Variants in PTBP3 observed in about 807,000 individuals in gnomAD.
PTBP3 encodes the protein polypyrimidine tract binding protein 3.
PTBP3 carries 20 observed loss-of-function variants against 58.7 expected under a neutral mutation model. The observed-to-expected ratio is 0.34, with a 90% CI of 0.24 to 0.50. The LOEUF is 0.50. Among genes scored for constraint, PTBP3 ranks in the 20% least tolerant of loss-of-function variants. The pLI is 0.98. For missense variants in PTBP3, 509 were observed against 637.2 expected, an observed-to-expected ratio of 0.80 and a Z score of 2.17; for synonymous variants, 185 against 219.8, an observed-to-expected ratio of 0.84 and a Z score of 1.40.
rs1834831238 is a variant in PTBP3, at chr9:112,222,182, G to A, written c.*1669C>T. On this transcript the variant is annotated 3_prime_UTR_variant, in exon 14 of 14. Transcript: ENST00000374257. ...GTGTAAAAGGGGTAGACAAAAAAAT[G>A]ACCCTTTTGACAAATTCTGCTTTAA... 2 of 984,942 alleles carry A rather than the reference G, an allele frequency of 2.0e-6. No individual in the cohort carries two copies. Among genetic ancestry groups the A allele is most frequent in the Non-Finnish European group, 2.4e-6 (2 of 829,190 alleles). The allele number at this position is 984,942 out of a possible 1,614,324, so 61.0% of individuals were successfully genotyped here. A position where few individuals can be genotyped will look rare whatever the true frequency, so the allele number is the denominator to read the frequency against.
the PTBP3 span, among the ~76,000 whole-genome samples, chr9:112,353,728 G>C: frequency 6.6e-6 from 1 of 151,906 alleles, no homozygotes; most frequent in Non-Finnish European, 1.5e-5. Context: ...GGCTGAGGCG[G>C]GCTGATCACC....
the PTBP3 span, among the ~76,000 whole-genome samples, chr9:112,370,323 C>G: frequency 1.3e-5 from 2 of 152,140 alleles, no homozygotes; most frequent in Non-Finnish European, 2.9e-5. Flanking sequence ...AGGTGGATTA[C>G]TTGAGCTCAG....
chr9:112,287,298 C>T (rs2132262441), intron 2 of PTBP3, among the ~76,000 whole-genome samples: 1 of 149,942 alleles, frequency 6.7e-6, no homozygotes, highest in South Asian at 2.1e-4. Flanking sequence ...TTGATTTTGT[C>T]CAGAAGTTAC....
At chr9:112,289,932 TATAC>T (rs1828305472) in intron 2 of PTBP3, among the ~76,000 whole-genome samples, 1 of 152,218 alleles carries the variant, frequency 6.6e-6, no homozygotes, top group African/African-American at 2.4e-5. Context: ...CATCAATAAT[TATAC>T]ATACAATGGT....
the PTBP3 span, among the ~76,000 whole-genome samples, chr9:112,369,402 C>T: frequency 6.6e-6 from 1 of 152,222 alleles, no homozygotes; most frequent in East Asian, 1.9e-4. Flanking sequence ...GAACTCACCA[C>T]TTGCATCACT....
chr9:112,246,722 A>G (rs921610872), intron 7 of PTBP3, among the ~76,000 whole-genome samples: 3 of 151,606 alleles, frequency 2.0e-5, no homozygotes, highest in Non-Finnish European at 2.9e-5. Context: ...GAAAAAGAAA[A>G]GGTGAAAAGT....
intron 11 of PTBP3, 39 bp from the exon 12 acceptor site, chr9:112,227,666 G>T: frequency 6.8e-7 from 1 of 1,460,820 alleles, no homozygotes; most frequent in Non-Finnish European, 9.6e-7. Flanking sequence ...TTGAGTATTA[G>T]GATAGATTTC....
chr9:112,314,893 G>A (rs1829639203), intron 1 of PTBP3, among the ~76,000 whole-genome samples: 2 of 149,646 alleles, frequency 1.3e-5, no homozygotes, highest in South Asian at 4.2e-4. Flanking sequence ...GTGCAGTGGC[G>A]CGATCTCGGC....
chr9:112,372,156 C>G, the PTBP3 span, among the ~76,000 whole-genome samples: 5 of 152,048 alleles, frequency 3.3e-5, no homozygotes, highest in African/African-American at 1.2e-4. Flanking sequence ...TACTTCAGCC[C>G]CCTCAAGCTC....
At chr9:112,324,320 G>A (rs1367503477) in intron 1 of PTBP3, among the ~76,000 whole-genome samples, 1 of 152,066 alleles carries the variant, frequency 6.6e-6, no homozygotes, top group Non-Finnish European at 1.5e-5. Context: ...AATGTATACA[G>A]CAACCACTAA....
chr9:112,252,362 C>T (rs962583089), intron 6 of PTBP3: 12 of 304,584 alleles, frequency 3.9e-5, no homozygotes, highest in African/African-American at 1.8e-4. Context: ...AATGAAAGCA[C>T]GAGGGTAATG....
At chr9:112,261,443 G>A (rs1168909449) in intron 5 of PTBP3, among the ~76,000 whole-genome samples, 4 of 152,114 alleles carry the variant, frequency 2.6e-5, no homozygotes, top group African/African-American at 4.8e-5. Context: ...TTCTTTATTC[G>A]TAAAATGTGA....
chr9:112,289,562 CT>C (rs956966275), intron 2 of PTBP3, among the ~76,000 whole-genome samples: 1 of 152,136 alleles, frequency 6.6e-6, no homozygotes, highest in Admixed American at 6.5e-5. Context: ...AGGAGAATTG[CT>C]TGAGCCCAGA....
chr9:112,259,789 T>G (rs577688702), intron 5 of PTBP3, among the ~76,000 whole-genome samples: 2 of 152,246 alleles, frequency 1.3e-5, no homozygotes, highest in Non-Finnish European at 2.9e-5. Flanking sequence ...AACTCCATAC[T>G]TCTGTATATT....
intron 7 of PTBP3, among the ~76,000 whole-genome samples, chr9:112,238,735 T>C (rs1835530063): frequency 6.6e-6 from 1 of 152,068 alleles, no homozygotes; most frequent in African/African-American, 2.4e-5. Flanking sequence ...ACAATGGACA[T>C]CAGAATACCA....
At chr9:112,298,821 T>C (rs957173438) in intron 1 of PTBP3, among the ~76,000 whole-genome samples, 6 of 152,160 alleles carry the variant, frequency 3.9e-5, no homozygotes, top group African/African-American at 1.2e-4. Flanking sequence ...ATCTATATAA[T>C]AGAAATACAA....
intron 1 of PTBP3, among the ~76,000 whole-genome samples, chr9:112,307,386 G>A (rs2025868): frequency 0.84 from 127,856 of 152,134 alleles, 54,017 homozygotes; most frequent in African/African-American, 0.92. Context: ...CCAGGAGGTC[G>A]AGGTTCTGTG....
At chr9:112,273,184 C>CA (rs1827462431) in intron 3 of PTBP3, among the ~76,000 whole-genome samples, 1 of 152,084 alleles carries the variant, frequency 6.6e-6, no homozygotes, top group African/African-American at 2.4e-5. Flanking sequence ...CCACAATAAA[C>CA]AAATAAAACT....
At chr9:112,271,172 T>C (rs574378131) in intron 3 of PTBP3, among the ~76,000 whole-genome samples, 3 of 152,252 alleles carry the variant, frequency 2.0e-5, no homozygotes, top group African/African-American at 7.2e-5. Context: ...AACATAGACA[T>C]GCACATATAT....
Sources: gnomAD v4.1 joint callset for allele counts (sites outside exome capture counted in the v4.1 genomes callset) on GRCh38, gnomAD v4.1.1 for gene constraint, MANE v1.5 for transcripts, NCBI Gene and HGNC (gene_info 2026-07-23, HGNC 2026-07-21) for gene names.